Variants in CHODL observed in about 807,000 individuals in gnomAD.
CHODL encodes the protein chondrolectin, also known as transmembrane protein MT75.
Under a neutral mutation model 34.5 loss-of-function variants are expected in CHODL, and 29 were observed. The observed-to-expected ratio is 0.84, with a 90% confidence interval of 0.63 to 1.15. The LOEUF (loss-of-function observed/expected upper bound fraction) is 1.15, where lower values mean the gene tolerates loss of function less well. CHODL is among the 50% of genes most tolerant of loss of function. The probability of loss-of-function intolerance (pLI) is 0.00; values close to 1 mark genes in which losing one functional copy is unlikely to be tolerated. For synonymous variants in CHODL, 125 were observed against 116.1 expected (o/e 1.08, Z -0.49); for missense variants, 332 against 332.5 (o/e 1.00, Z 0.01).
At chr21:18,038,479 CTA>C (rs2064336933) in intron 2 of CHODL, among the ~76,000 whole-genome samples, 2 of 151,674 alleles carry the variant, frequency 1.3e-5, no homozygotes, top group Non-Finnish European at 3.0e-5. Flanking sequence ...TAGCTGGACT[CTA>C]TGTCATGATA....
Position 18,157,206 on chromosome 21 carries a change from C to T in CHODL, c.-44-99303C>T, listed in dbSNP as rs73314546. On this transcript the variant is annotated intron_variant, in intron 2 of 6. Transcript: ENST00000400127. The stretch of plus-strand genomic sequence containing the variant: ...AAGTTTAGCTTGCAGAAGCAAGGAT[C>T]TGTGAGATGGAAGATACGTTGTGGG... Among the ~76,000 whole-genome samples the T allele has an allele frequency of 2.7e-3, 418 of 152,244 alleles. 1 individual carries two copies. Among genetic ancestry groups the T allele is most frequent in the African/African-American group, 8.9e-3 (370 of 41,540 alleles).
chr21:18,235,238 A>G (rs1023823730), intron 2 of CHODL, among the ~76,000 whole-genome samples: 1 of 152,126 alleles, frequency 6.6e-6, no homozygotes, highest in African/African-American at 2.4e-5. Flanking sequence ...GAGTGTAATT[A>G]AAAGCTTTAG....
At chr21:17,942,628 A>G (rs1439983304) in intron 1 of CHODL, among the ~76,000 whole-genome samples, 2 of 152,272 alleles carry the variant, frequency 1.3e-5, no homozygotes, top group Non-Finnish European at 1.5e-5. Flanking sequence ...ATTTGATTAT[A>G]TCAGAATTTA....
intron 2 of CHODL, among the ~76,000 whole-genome samples, chr21:18,218,660 C>A (rs550022020): frequency 2.0e-4 from 31 of 152,280 alleles, no homozygotes; most frequent in African/African-American, 7.0e-4. Context: ...TTTCCTATTT[C>A]GTTGCCAGGC....
intron 2 of CHODL, among the ~76,000 whole-genome samples, chr21:18,093,712 T>C (rs1600993792): frequency 6.6e-6 from 1 of 151,956 alleles, no homozygotes; most frequent in African/African-American, 2.4e-5. Context: ...TGTAGTAACA[T>C]CAAATTGAAA....
At chr21:18,044,790 A>G (rs157742) in intron 2 of CHODL, among the ~76,000 whole-genome samples, 7,111 of 151,968 alleles carry the variant, frequency 0.047, 220 homozygotes, top group African/African-American at 0.078. Flanking sequence ...GCTAGCCTAA[A>G]TTTACTCCAA....
intron 2 of CHODL, among the ~76,000 whole-genome samples, chr21:18,054,550 C>A (rs1318122727): frequency 6.6e-6 from 1 of 151,802 alleles, no homozygotes; most frequent in African/African-American, 2.4e-5. Flanking sequence ...GTGGAATCTA[C>A]AAATGTTAAA....
intron 2 of CHODL, among the ~76,000 whole-genome samples, chr21:18,085,771 T>C (rs898812925): frequency 6.6e-6 from 1 of 152,194 alleles, no homozygotes; most frequent in Non-Finnish European, 1.5e-5. Context: ...CTTTTCTCTT[T>C]TTAATTTTAA....
rs1342438027 is a variant in CHODL, at chr21:18,121,375, G to A, written c.-45+93404G>A. Among the ~76,000 whole-genome samples the A allele has an allele frequency of 3.9e-5, 6 of 152,150 alleles. No individual in the cohort carries two copies. In the East Asian group the frequency reaches 5.8e-4, roughly 15 times the overall value. On this transcript the variant is annotated intron_variant, in intron 2 of 6. Transcript: ENST00000400127. ...GCTGCATTCAAAGTCATTCTGGGCC[G>A]CAGGTTGGACAAGCATGTTTTAGAG...
chr21:18,078,386 C>T (rs2064892346), intron 2 of CHODL, among the ~76,000 whole-genome samples: 1 of 152,114 alleles, frequency 6.6e-6, no homozygotes, highest in Non-Finnish European at 1.5e-5. Context: ...ATGGGAAAAC[C>T]TGTCCCCATG....
intron 2 of CHODL, among the ~76,000 whole-genome samples, chr21:18,069,984 T>TTTCCCCTCCCTTCCCTTCCC (rs2064777506): frequency 4.5e-5 from 2 of 44,052 alleles, no homozygotes; most frequent in African/African-American, 7.1e-5. Context: ...CCTCCTTTTC[T>TTTCCCCTCCCTTCCCTTCCC]TTCCCTTCCC....
intron 2 of CHODL, among the ~76,000 whole-genome samples, chr21:18,199,955 C>A (rs993436452): frequency 6.6e-6 from 1 of 152,096 alleles, no homozygotes; most frequent in African/African-American, 2.4e-5. Context: ...ACCTTCAACT[C>A]ATTTAGGTAA....
intron 2 of CHODL, among the ~76,000 whole-genome samples, chr21:18,081,315 A>T (rs975757184): frequency 6.6e-6 from 1 of 152,006 alleles, no homozygotes; most frequent in Non-Finnish European, 1.5e-5. Context: ...TCCAATTTGG[A>T]TGCTTTTTAC....
chr21:18,076,337 CTTG>C (rs1443112801), intron 2 of CHODL, among the ~76,000 whole-genome samples: 1 of 152,146 alleles, frequency 6.6e-6, no homozygotes, highest in African/African-American at 2.4e-5. Flanking sequence ...GAAAGACCAT[CTTG>C]TTGTGAAGTG....
chr21:17,943,077 A>G (rs2063378715), intron 1 of CHODL, among the ~76,000 whole-genome samples: 1 of 152,154 alleles, frequency 6.6e-6, no homozygotes, highest in Non-Finnish European at 1.5e-5. Context: ...GAGTCTATTA[A>G]ACCTCTTTTC....
intron 1 of CHODL, among the ~76,000 whole-genome samples, chr21:18,010,313 A>AAAC (rs2064006037): frequency 1.4e-5 from 2 of 145,760 alleles, no homozygotes; most frequent in African/African-American, 5.3e-5. Context: ...AAAAAAAAAA[A>AAAC]AAAAAAAAAG....
chr21:17,966,989 A>C (rs2063577116), intron 1 of CHODL, among the ~76,000 whole-genome samples: 1 of 150,744 alleles, frequency 6.6e-6, no homozygotes, highest in Admixed American at 6.6e-5. Flanking sequence ...GGTTCAAGTG[A>C]TTCTTCTGCC....
At chr21:17,967,789 A>G (rs1244082136) in intron 1 of CHODL, among the ~76,000 whole-genome samples, 1 of 152,040 alleles carries the variant, frequency 6.6e-6, no homozygotes, top group Non-Finnish European at 1.5e-5. Flanking sequence ...TTCAGGGTCA[A>G]TCGATTAATC....
chr21:18,133,805 T>A (rs1022862227), intron 2 of CHODL, among the ~76,000 whole-genome samples: 1 of 152,140 alleles, frequency 6.6e-6, no homozygotes. Context: ...AACATGAAGC[T>A]CACACTCATA....
Sources: allele counts gnomAD v4.1 joint callset (sites outside exome capture counted in the v4.1 genomes callset), GRCh38; gene constraint gnomAD v4.1.1; transcripts MANE v1.5; gene names NCBI Gene and HGNC (gene_info 2026-07-23, HGNC 2026-07-21).